The following RNF139 variants were observed in gnomAD, a reference collection of about 807,000 sequenced individuals.
The protein encoded by RNF139 is E3 ubiquitin-protein ligase RNF139.
In RNF139, 15 loss-of-function variants were observed where a neutral mutation model predicts 49.5. The observed-to-expected ratio is 0.30, with a 90% CI of 0.20 to 0.47. RNF139 has a LOEUF of 0.47. Ranked by LOEUF, RNF139 falls within the 20% of genes least tolerant of loss-of-function variation. RNF139 has a pLI of 1.00. For missense variants in RNF139, 619 were observed against 806.3 expected (o/e 0.77, Z 2.81); for synonymous variants, 325 against 300.9 (o/e 1.08, Z -0.83).
At position 124,486,430 on chromosome 8, in the gene RNF139, A is replaced by G. The variant is rs1008960968; in HGVS notation, c.781A>G (p.Asn261Asp). 3.1e-6 allele frequency: 5 copies of G among 1,614,048 alleles called. No homozygotes were observed. The highest frequency in any genetic ancestry group is 1.1e-5 in the South Asian group (1 of 91,092). Residue 261 changes from asparagine to aspartate, a missense_variant, in exon 2 of 2, where the codon AAT becomes GAT. Coordinates refer to ENST00000303545, the MANE Select transcript of RNF139 (RefSeq NM_007218.4). ...TVLMYILRMANETDSFFISWD... is the reference protein window; with the variant it reads ...TVLMYILRMADETDSFFISWD... ...GTTAATGTACATCTTAAGGATGGCA[A>G]ATGAAACTGATTCCTTCTTTATTTC...
chr8:124,480,163 A>G (rs1816384631), intron 1 of RNF139, among the ~76,000 whole-genome samples: 2 of 152,002 alleles, frequency 1.3e-5, no homozygotes, highest in African/African-American at 2.4e-5. Context: ...AGTCATTTCT[A>G]AGTGTATTCT....
intron 1 of RNF139, among the ~76,000 whole-genome samples, chr8:124,481,262 C>T (rs1181838868): frequency 2.6e-5 from 4 of 152,050 alleles, no homozygotes; most frequent in Non-Finnish European, 5.9e-5. Context: ...TATTTCTGTG[C>T]TTTTCCATAT....
rs533227376 is a variant in RNF139, at chr8:124,486,043, G to A, written c.394G>A (p.Val132Ile). ...KGPSLWMALIVLQLTFGIGYV... is the reference protein window; with the variant it reads ...KGPSLWMALIILQLTFGIGYV... ...TCCCTCGCTGTGGATGGCACTTATC[G>A]TTCTACAGCTAACATTTGGAATTGG... Residue 132 changes from valine to isoleucine, a missense_variant, in exon 2 of 2, where the codon GTT (valine) becomes ATT (isoleucine). This residue lies in a region of RNF139 where 530 missense variants were observed against 728.9 expected (regional missense o/e 0.73). Transcript: ENST00000303545. 1.1e-4 allele frequency: 184 copies of A among 1,613,976 alleles called. No individual in the cohort carries two copies. The highest frequency in any genetic ancestry group is 1.6e-4 in the East Asian group (7 of 44,898).
In RNF139 at chr8:124,475,066, C is replaced by T. The variant is rs779692844; in HGVS notation, c.-44C>T. The T allele has an allele frequency of 6.6e-6, 9 of 1,363,308 alleles. No individual in the cohort carries two copies. The highest frequency in any genetic ancestry group is 1.5e-5 in the African/African-American group (1 of 65,048). The allele number at this position is 1,363,308 out of a possible 1,614,324, so 84.5% of individuals were successfully genotyped here. The stretch of plus-strand genomic sequence containing the variant: ...GGCCGCGGCCCCGGGCCCTGCCCCG[C>T]GCGGCCCTGCCCGGCCCACCGAGCC... On this transcript the variant is annotated 5_prime_UTR_variant, in exon 1 of 2. Coordinates refer to ENST00000303545, the MANE Select transcript of RNF139 (RefSeq NM_007218.4).
Position 124,475,067 on chromosome 8 carries a change from G to A in RNF139, c.-43G>A, listed in dbSNP as rs964499704. 13 of 1,362,936 alleles carry A rather than the reference G, an allele frequency of 9.5e-6. No individual in the cohort carries two copies. The Admixed American group carries it at 1.1e-4, about 12-fold the overall frequency. 84.4% of individuals were successfully genotyped at this position (1,362,936 alleles called of 1,614,324 possible). ...GCCGCGGCCCCGGGCCCTGCCCCGC[G>A]CGGCCCTGCCCGGCCCACCGAGCCC... On this transcript the variant is annotated 5_prime_UTR_variant, in exon 1 of 2. Transcript: ENST00000303545.
chr8:124,475,914 A>G (rs1220729013), intron 1 of RNF139, among the ~76,000 whole-genome samples: 1 of 152,252 alleles, frequency 6.6e-6, no homozygotes, highest in African/African-American at 2.4e-5. Flanking sequence ...AGTGACTGTA[A>G]AAAGTGATGA....
At chr8:124,479,730 G>A (rs1003155215) in intron 1 of RNF139, among the ~76,000 whole-genome samples, 2 of 152,090 alleles carry the variant, frequency 1.3e-5, no homozygotes, top group African/African-American at 4.8e-5. Flanking sequence ...TAGACAAATA[G>A]ATTAGTACTT....
chr8:124,485,773 G>T, intron 1 of RNF139, 58 bp from the exon 2 acceptor site: 2 of 1,375,080 alleles, frequency 1.5e-6, no homozygotes, highest in Non-Finnish European at 1.0e-6. Flanking sequence ...ATAACTCTTA[G>T]TGGGGAAACA....
At position 124,487,871 on chromosome 8, in the gene RNF139, G is replaced by A. The variant is rs1309870537; in HGVS notation, c.*227G>A. On this transcript the variant is annotated 3_prime_UTR_variant, in exon 2 of 2. Coordinates refer to ENST00000303545, the MANE Select transcript of RNF139 (RefSeq NM_007218.4). ...AAATTTGTGTACATTATTGTACATA[G>A]AATAAAATGTTTTCACATTTTTATG... 2.4e-6 allele frequency: 1 copy of A among 422,510 alleles called. No homozygotes were observed. The allele number at this position is 422,510 out of a possible 1,614,324, so 26.2% of individuals were successfully genotyped here.
chr8:124,479,447 C>G (rs929890060), intron 1 of RNF139, among the ~76,000 whole-genome samples: 2 of 152,144 alleles, frequency 1.3e-5, no homozygotes, highest in African/African-American at 4.8e-5. Flanking sequence ...CCGAAAAAGA[C>G]TTCAGAAAAC....
chr8:124,475,372 C>A, intron 1 of RNF139, 82 bp downstream of exon 1: 1 of 1,402,650 alleles, frequency 7.1e-7, no homozygotes, highest in Non-Finnish European at 9.9e-7. Context: ...CGCGCAGAGG[C>A]CATGGGTCGA....
At position 124,487,734 on chromosome 8, in the gene RNF139, C is replaced by A; in HGVS notation, c.*90C>A. On this transcript the variant is annotated 3_prime_UTR_variant, in exon 2 of 2. Transcript: ENST00000303545. ...ATATCCTTCACCTTCAGTGTGTAAC[C>A]AAGCACAAAAACAGTATCAATGTTG... is the stretch of plus-strand genomic sequence containing the variant. 1 of 1,293,396 alleles carries A rather than the reference C, an allele frequency of 7.7e-7. No homozygotes were observed. The highest frequency in any genetic ancestry group is 1.1e-6 in the Non-Finnish European group (1 of 951,348). The allele number at this position is 1,293,396 out of a possible 1,614,324, so 80.1% of individuals were successfully genotyped here. A position where few individuals can be genotyped will look rare whatever the true frequency, so the allele number is the denominator to read the frequency against.
intron 1 of RNF139, among the ~76,000 whole-genome samples, chr8:124,483,098 A>AAT (rs1202450292): frequency 3.8e-5 from 1 of 26,262 alleles, no homozygotes; most frequent in African/African-American, 1.5e-4. Flanking sequence ...TATATTTAAA[A>AAT]ATATATATAT....
At chr8:124,482,958 A>ATAATAT (rs1554601149) in intron 1 of RNF139, among the ~76,000 whole-genome samples, 19 of 94,242 alleles carry the variant, frequency 2.0e-4, no homozygotes, top group African/African-American at 7.6e-4. Flanking sequence ...ATATATATAT[A>ATAATAT]ATATATATAT....
chr8:124,485,794 T>C, intron 1 of RNF139, 37 bp from the exon 2 acceptor site: 1 of 1,496,320 alleles, frequency 6.7e-7, no homozygotes, highest in Non-Finnish European at 9.1e-7. Context: ...TTCTTACAAA[T>C]ACTTCATTCA....
At position 124,487,823 on chromosome 8, in the gene RNF139, C is replaced by T. The variant is rs1816567841; in HGVS notation, c.*179C>T. ...TGTAAATATACCTCTTTAATTACTT[C>T]TGGTCTCTTTGGTGACCTGTTTAAA... is the stretch of plus-strand genomic sequence containing the variant. On this transcript the variant is annotated 3_prime_UTR_variant, in exon 2 of 2. Coordinates refer to ENST00000303545, the MANE Select transcript of RNF139 (RefSeq NM_007218.4). The T allele has an allele frequency of 3.4e-6, 2 of 593,644 alleles. No individual in the cohort carries two copies. Among genetic ancestry groups the T allele is most frequent in the Non-Finnish European group, 5.7e-6 (2 of 348,368 alleles). The allele number at this position is 593,644 out of a possible 1,614,324, so 36.8% of individuals were successfully genotyped here. A position where few individuals can be genotyped will look rare whatever the true frequency, so the allele number is the denominator to read the frequency against.
In RNF139 at chr8:124,487,404, C is replaced by T; in HGVS notation, c.1755C>T (p.Cys585=). The T allele has an allele frequency of 6.2e-7, 1 of 1,614,036 alleles. No individual in the cohort carries two copies. The highest frequency in any genetic ancestry group is 1.1e-5 in the South Asian group (1 of 91,062). Residue 585 remains cysteine (C), a synonymous_variant, in exon 2 of 2, where the codon TGC becomes TGT. Transcript: ENST00000303545. ...WLYIQDTCPM[C]HQKVYIEDDI... ...ACATTCAAGATACTTGTCCAATGTGCCATCAGAAAGTATACATCGAAGATG... is the reference window on the plus strand; with the variant it reads ...ACATTCAAGATACTTGTCCAATGTGTCATCAGAAAGTATACATCGAAGATG...
Position 124,474,896 on chromosome 8 carries a change from G to GCCA in RNF139, c.-212_-211insACC. Reference sequence around the variant, plus strand: ...CCGAAACCCAGAGACCTCCTGGGGAGCCGCCGCCGCCGCCCTCTCGGCCAT... The same window carrying GCCA: ...CCGAAACCCAGAGACCTCCTGGGGAGCCACCGCCGCCGCCGCCCTCTCGGCCAT... On this transcript the variant is annotated 5_prime_UTR_variant, in exon 1 of 2. Coordinates refer to ENST00000303545, the MANE Select transcript of RNF139 (RefSeq NM_007218.4). The surrounding 1 kb of genome is among the most constrained non-coding windows in gnomAD (Gnocchi z 4.6). The GCCA allele has an allele frequency of 4.0e-6, 1 of 248,742 alleles. No individual in the cohort carries two copies. Among genetic ancestry groups the GCCA allele is most frequent in the Non-Finnish European group, 6.9e-6 (1 of 145,008 alleles). 15.4% of individuals were successfully genotyped at this position (248,742 alleles called of 1,614,324 possible). A position where few individuals can be genotyped will look rare whatever the true frequency, so the allele number is the denominator to read the frequency against.
rs201120932 is a variant in RNF139, at chr8:124,488,380, G to GT, written c.*744dup. The GT allele has an allele frequency of 1.7e-3, 593 of 346,674 alleles. 2 individuals carry two copies. Among genetic ancestry groups the GT allele is most frequent in the African/African-American group, 0.011 (505 of 46,740 alleles). 21.5% of individuals were successfully genotyped at this position (346,674 alleles called of 1,614,324 possible). A position where few individuals can be genotyped will look rare whatever the true frequency, so the allele number is the denominator to read the frequency against. On this transcript the variant is annotated 3_prime_UTR_variant, in exon 2 of 2. Transcript: ENST00000303545. ...TTGAAGATATTACAAAACAAAAATA[G>GT]TTTTTTTTAAATTGTTTTAAACTAA...
Sources: gnomAD v4.1 joint callset for allele counts (sites outside exome capture counted in the v4.1 genomes callset) on GRCh38, gnomAD v4.1.1 for gene constraint, gnomAD v4.1.1 regional missense constraint, Gnocchi (gnomAD v3.1) non-coding constraint, MANE v1.5 for transcripts, NCBI Gene and HGNC (gene_info 2026-07-23, HGNC 2026-07-21) for gene names.